Variants in C10orf90 observed in about 807,000 individuals in gnomAD.
C10orf90 encodes the protein chromosome 10 open reading frame 90, also known as (E2-independent) E3 ubiquitin-conjugating enzyme FATS.
In C10orf90, 56 loss-of-function variants were observed where a neutral mutation model predicts 62.5. That is an observed-to-expected ratio of 0.90 (90% confidence interval 0.72 to 1.12). The LOEUF (loss-of-function observed/expected upper bound fraction) is 1.12. Among genes scored for constraint, C10orf90 ranks in the 50% most tolerant of loss-of-function variants. C10orf90 has a pLI of 0.00. For missense variants in C10orf90, 970 were observed against 880.4 expected, an observed-to-expected ratio of 1.10 and a Z score of -1.29; for synonymous variants, 386 against 340.4, an observed-to-expected ratio of 1.13 and a Z score of -1.47.
intron 2 of C10orf90, among the ~76,000 whole-genome samples, chr10:126,575,092 T>C (rs1442769191): frequency 2.0e-5 from 3 of 152,020 alleles, no homozygotes; most frequent in Non-Finnish European, 4.4e-5. Context: ...TGATTATGCA[T>C]GTAGAAAACC....
intron 6 of C10orf90, among the ~76,000 whole-genome samples, chr10:126,460,786 C>G (rs939109219): frequency 6.6e-6 from 1 of 152,176 alleles, no homozygotes; most frequent in African/African-American, 2.4e-5. Context: ...GGGAGATTTG[C>G]AACCTTATTA....
intron 7 of C10orf90, among the ~76,000 whole-genome samples, chr10:126,432,698 G>A: frequency 6.6e-6 from 1 of 152,330 alleles, no homozygotes; most frequent in African/African-American, 2.4e-5. Flanking sequence ...GGGAGGGAGG[G>A]TGCAGAGGCG....
intron 2 of C10orf90, among the ~76,000 whole-genome samples, chr10:126,626,672 G>A (rs1246459408): frequency 6.6e-6 from 1 of 152,208 alleles, no homozygotes; most frequent in African/African-American, 2.4e-5. Flanking sequence ...TGTTAAAAGT[G>A]CTAAAATGTG....
chr10:126,570,925 CAT>C (rs1329694681), intron 2 of C10orf90, among the ~76,000 whole-genome samples: 33 of 152,114 alleles, frequency 2.2e-4, no homozygotes, highest in African/African-American at 7.7e-4. Flanking sequence ...ATCCCAGAAA[CAT>C]ATTTTCTCAA....
intron 1 of C10orf90, among the ~76,000 whole-genome samples, chr10:126,648,422 A>G (rs1042915423): frequency 6.6e-6 from 1 of 152,200 alleles, no homozygotes; most frequent in Non-Finnish European, 1.5e-5. Context: ...TTGTTTATAA[A>G]TTACTAAGTC....
chr10:126,567,501 C>A (rs188415473), intron 2 of C10orf90, among the ~76,000 whole-genome samples: 2 of 152,112 alleles, frequency 1.3e-5, no homozygotes, highest in South Asian at 4.2e-4. Flanking sequence ...CAAACCATAT[C>A]GGGAGGCATG....
chr10:126,663,118 A>T (rs1846551428), intron 1 of C10orf90, among the ~76,000 whole-genome samples: 3 of 152,216 alleles, frequency 2.0e-5, no homozygotes, highest in African/African-American at 4.8e-5. Flanking sequence ...GCAAAAACAG[A>T]GGGTGGTAAG....
At chr10:126,494,132 G>A (rs1419080177) in intron 4 of C10orf90, among the ~76,000 whole-genome samples, 1 of 152,118 alleles carries the variant, frequency 6.6e-6, no homozygotes, top group Non-Finnish European at 1.5e-5. Flanking sequence ...GCCTAAATAC[G>A]ACCCACCTAT....
chr10:126,530,841 C>T (rs1591073600), intron 2 of C10orf90, among the ~76,000 whole-genome samples: 1 of 151,828 alleles, frequency 6.6e-6, no homozygotes, highest in East Asian at 1.9e-4. Context: ...CAAAACAAAA[C>T]AAAAAAAGCA....
chr10:126,581,040 G>T (rs978640059), intron 2 of C10orf90, among the ~76,000 whole-genome samples: 1 of 152,112 alleles, frequency 6.6e-6, no homozygotes, highest in Non-Finnish European at 1.5e-5. Flanking sequence ...ACCAGAGAAG[G>T]CACTCACAGC....
chr10:126,490,116 ATTAT>A (rs1861682896), intron 4 of C10orf90, among the ~76,000 whole-genome samples: 2 of 134,256 alleles, frequency 1.5e-5, no homozygotes, highest in Non-Finnish European at 1.6e-5. Context: ...TATGTATATA[ATTAT>A]TTAATTATAT....
At chr10:126,463,787 C>A (rs551299910) in intron 5 of C10orf90, among the ~76,000 whole-genome samples, 2 of 152,350 alleles carry the variant, frequency 1.3e-5, no homozygotes, top group African/African-American at 4.8e-5. Context: ...CCATGGCCCA[C>A]CACACAGACA....
chr10:126,446,499 A>G (rs530265942), intron 7 of C10orf90, among the ~76,000 whole-genome samples: 17 of 151,916 alleles, frequency 1.1e-4, no homozygotes, highest in Non-Finnish European at 1.8e-4. Context: ...TGCTGGGGGG[A>G]AAAAAATCTG....
At chr10:126,540,829 G>C (rs749103674) in intron 2 of C10orf90, among the ~76,000 whole-genome samples, 1 of 152,140 alleles carries the variant, frequency 6.6e-6, no homozygotes, top group East Asian at 1.9e-4. Flanking sequence ...AAAACAGAGT[G>C]AGACATCCAT....
chr10:126,481,657 T>A (rs1197539377), intron 4 of C10orf90, among the ~76,000 whole-genome samples: 1 of 152,138 alleles, frequency 6.6e-6, no homozygotes, highest in Non-Finnish European at 1.5e-5. Flanking sequence ...GGTACCAGCG[T>A]TGGGGCTCAG....
chr10:126,607,307 G>A (rs959808072), intron 2 of C10orf90, among the ~76,000 whole-genome samples: 33 of 152,184 alleles, frequency 2.2e-4, no homozygotes, highest in Admixed American at 1.7e-3. Flanking sequence ...GCTGTGATGC[G>A]TTGGCTGTGT....
rs545131203 is a variant in C10orf90, at chr10:126,461,082, C to T, written c.2010+319G>A. The stretch of plus-strand genomic sequence containing the variant: ...CCTATATGCTCCTACCTCCTGGGAG[C>T]CTTGCATGGATTGGAGGCACTGATG... On this transcript the variant is annotated intron_variant, in intron 6 of 9. Transcript: ENST00000488181. 2.3e-4 allele frequency among the ~76,000 whole-genome samples: 35 copies of T among 152,222 alleles called. No individual in the cohort carries two copies. The South Asian group carries it at 6.4e-3, about 28-fold the overall frequency.
chr10:126,459,284 G>A (rs990653612), intron 6 of C10orf90, 67 bp from the exon 7 acceptor site: 10 of 1,572,026 alleles, frequency 6.4e-6, no homozygotes, highest in South Asian at 2.2e-5. Context: ...GCATCTGTCT[G>A]ATGCAGCCAA....
chr10:126,510,030 C>T (rs1863002769), intron 3 of C10orf90, among the ~76,000 whole-genome samples: 1 of 152,196 alleles, frequency 6.6e-6, no homozygotes, highest in Non-Finnish European at 1.5e-5. Context: ...TGCATCTTTA[C>T]ACGGTCCTCC....
Sources: gnomAD v4.1 joint callset for allele counts (sites outside exome capture counted in the v4.1 genomes callset) on GRCh38, gnomAD v4.1.1 for gene constraint, MANE v1.5 for transcripts, NCBI Gene and HGNC (gene_info 2026-07-23, HGNC 2026-07-21) for gene names.